KAZN: variants seen among roughly 807,000 people sequenced by gnomAD.
KAZN encodes kazrin.
KAZN carries 40 observed loss-of-function variants against 87.4 expected under a neutral mutation model. The observed-to-expected ratio is 0.46, with a 90% CI of 0.36 to 0.60. The LOEUF (loss-of-function observed/expected upper bound fraction) is 0.60, where lower values mean the gene tolerates loss of function less well. Among genes scored for constraint, KAZN ranks in the 20% least tolerant of loss-of-function variants. KAZN has a pLI of 0.00. For synonymous variants in KAZN, 466 were observed against 458.3 expected, an observed-to-expected ratio of 1.02 and a Z score of -0.22; for missense variants, 898 against 1,073.9, an observed-to-expected ratio of 0.84 and a Z score of 2.29.
intron 1 of KAZN, among the ~76,000 whole-genome samples, chr1:14,941,108 G>A (rs991495627): frequency 4.6e-5 from 7 of 151,802 alleles, no homozygotes; most frequent in Admixed American, 1.3e-4. Flanking sequence ...AGTGGAGATG[G>A]GGTTTCACTA....
intron 2 of KAZN, among the ~76,000 whole-genome samples, chr1:14,552,770 C>A (rs1673621113): frequency 6.6e-6 from 1 of 152,126 alleles, no homozygotes. Flanking sequence ...GACTATTTAC[C>A]ATGAGTCAGG....
chr1:13,905,993 C>T (rs777742500), intron 1 of KAZN, among the ~76,000 whole-genome samples: 1 of 152,146 alleles, frequency 6.6e-6, no homozygotes, highest in Non-Finnish European at 1.5e-5. Context: ...TCCTCCTTCT[C>T]ATCTGTGTAT....
At chr1:14,681,770 G>A (rs1284337021) in intron 1 of KAZN, among the ~76,000 whole-genome samples, 3 of 135,462 alleles carry the variant, frequency 2.2e-5, no homozygotes, top group South Asian at 2.5e-4. Context: ...TCCGCCTCCC[G>A]CCTCCCGGGA....
intron 1 of KAZN, among the ~76,000 whole-genome samples, chr1:14,869,217 A>G (rs1651874459): frequency 6.6e-6 from 1 of 152,090 alleles, no homozygotes; most frequent in Non-Finnish European, 1.5e-5. Flanking sequence ...TTGCTCCTTT[A>G]AATCTCCACT....
chr1:14,535,024 T>C (rs1202231201), intron 2 of KAZN, among the ~76,000 whole-genome samples: 1 of 152,178 alleles, frequency 6.6e-6, no homozygotes, highest in Non-Finnish European at 1.5e-5. Flanking sequence ...CTACCTCTTC[T>C]GATTCCAGCC....
intron 1 of KAZN, among the ~76,000 whole-genome samples, chr1:14,954,568 T>G (rs1662856376): frequency 6.6e-6 from 1 of 152,252 alleles, no homozygotes. Flanking sequence ...GGTCTGGATC[T>G]GCACTGTCCG....
At position 14,793,910 on chromosome 1, in the gene KAZN, G is replaced by A. The variant is rs145153498; in HGVS notation, c.227-166774G>A. The stretch of plus-strand genomic sequence containing the variant: ...ACCACCCTCCCCAGGCCGTGCCCTC[G>A]CCTGTTAGGGGCCCCATGAAACCAC... On this transcript the variant is annotated intron_variant, in intron 1 of 14. Coordinates refer to ENST00000376030, the MANE Select transcript of KAZN (RefSeq NM_201628.3). Among the ~76,000 whole-genome samples, 488 of 152,242 alleles carry A rather than the reference G, an allele frequency of 3.2e-3. 2 individuals carry two copies. The highest frequency in any genetic ancestry group is 0.011 in the African/African-American group (447 of 41,542).
At chr1:14,439,107 C>G (rs1327074915) in intron 2 of KAZN, among the ~76,000 whole-genome samples, 1 of 152,176 alleles carries the variant, frequency 6.6e-6, no homozygotes, top group African/African-American at 2.4e-5. Context: ...ATCACACACA[C>G]AAAATATCCA....
chr1:14,079,796 A>T (rs1435607783), intron 1 of KAZN, among the ~76,000 whole-genome samples: 1 of 152,212 alleles, frequency 6.6e-6, no homozygotes, highest in Non-Finnish European at 1.5e-5. Flanking sequence ...GTGAAGGAAT[A>T]GAGCATATAG....
At chr1:14,750,125 T>C (rs1394865088) in intron 1 of KAZN, among the ~76,000 whole-genome samples, 4 of 152,160 alleles carry the variant, frequency 2.6e-5, no homozygotes, top group African/African-American at 9.7e-5. Flanking sequence ...TGTGAGAAGC[T>C]GGGTAACGGG....
chr1:14,264,362 A>T (rs1278114656), intron 2 of KAZN, among the ~76,000 whole-genome samples: 1 of 152,154 alleles, frequency 6.6e-6, no homozygotes, highest in East Asian at 1.9e-4. Flanking sequence ...CAGTCACATC[A>T]GCTGCTATGA....
intron 1 of KAZN, among the ~76,000 whole-genome samples, chr1:14,060,275 A>G (rs1642737826): frequency 6.6e-6 from 1 of 151,634 alleles, no homozygotes; most frequent in Non-Finnish European, 1.5e-5. Context: ...AGGCAGGAGA[A>G]TGGCGTGAAA....
intron 3 of KAZN, among the ~76,000 whole-genome samples, chr1:15,040,068 T>C (rs570849568): frequency 6.6e-6 from 1 of 152,306 alleles, no homozygotes; most frequent in Admixed American, 6.5e-5. Context: ...TTTTAGTCAT[T>C]GTTGGGTCCA....
intron 2 of KAZN, among the ~76,000 whole-genome samples, chr1:14,976,877 A>T (rs1280017292): frequency 6.6e-6 from 1 of 152,084 alleles, no homozygotes; most frequent in Admixed American, 6.6e-5. Context: ...ACGTGGTGAA[A>T]CCCTGTCTCT....
intron 1 of KAZN, among the ~76,000 whole-genome samples, chr1:13,984,468 A>G (rs16853356): frequency 0.14 from 20,967 of 152,202 alleles, 1,581 homozygotes; most frequent in South Asian, 0.2. Context: ...TTGAGCACAA[A>G]TAAATTCATA....
intron 2 of KAZN, among the ~76,000 whole-genome samples, chr1:14,437,951 A>G (rs1666494653): frequency 6.6e-6 from 1 of 152,130 alleles, no homozygotes. Flanking sequence ...CATGTCCTCT[A>G]AAAGGTGGTA....
rs1186707459 is a variant in KAZN at position 13,981,094 on chromosome 1, T to TATATATATATATATATATGC, written c.91+87354_91+87355insATGCATATATATATATATAT. Reference sequence around the variant, plus strand: ...GAGGTATAAAAAATTACTCTTTATATATATATATATATATATGTATATATA... The same window carrying TATATATATATATATATATGC: ...GAGGTATAAAAAATTACTCTTTATATATATATATATATATATATGCATATATATATATATATGTATATATA... On this transcript the variant is annotated intron_variant, in intron 1 of 16. Coordinates refer to the KAZN transcript ENST00000636203. 1.6e-3 allele frequency among the ~76,000 whole-genome samples: 107 copies of TATATATATATATATATATGC among 65,140 alleles called. 7 individuals are homozygous for TATATATATATATATATATGC. The highest frequency in any genetic ancestry group is 5.1e-3 in the African/African-American group (104 of 20,506). 42.7% of individuals were successfully genotyped at this position (65,140 alleles called of 152,430 possible). A position where few individuals can be genotyped will look rare whatever the true frequency, so the allele number is the denominator to read the frequency against.
chr1:14,440,574 A>T (rs1467392492), intron 2 of KAZN, among the ~76,000 whole-genome samples: 2 of 152,184 alleles, frequency 1.3e-5, no homozygotes, highest in Non-Finnish European at 2.9e-5. Flanking sequence ...GCTCAAAAAG[A>T]TGTTTGAGGA....
intron 1 of KAZN, among the ~76,000 whole-genome samples, chr1:14,143,831 C>A (rs1472825502): frequency 6.6e-6 from 1 of 152,028 alleles, no homozygotes; most frequent in Non-Finnish European, 1.5e-5. Context: ...AGCTCTCCCA[C>A]CTCAGCCTCT....
Sources: allele counts gnomAD v4.1 joint callset (sites outside exome capture counted in the v4.1 genomes callset), GRCh38; gene constraint gnomAD v4.1.1; transcripts MANE v1.5; gene names NCBI Gene and HGNC (gene_info 2026-07-23, HGNC 2026-07-21).